IKZF3: variants seen among roughly 807,000 people sequenced by gnomAD.
IKZF3 encodes zinc finger protein Aiolos.
Under a neutral mutation model 49.0 loss-of-function variants are expected in IKZF3, and 10 were observed. That is an observed-to-expected ratio of 0.20 (90% CI 0.13 to 0.35). The LOEUF (loss-of-function observed/expected upper bound fraction) is 0.35. IKZF3 is among the 10% of genes least tolerant of loss of function. The pLI, the probability that IKZF3 is intolerant of heterozygous loss-of-function variation, is 1.00. For missense variants in IKZF3, 498 were observed against 664.8 expected, an observed-to-expected ratio of 0.75 and a Z score of 2.76; for synonymous variants, 209 against 228.2, an observed-to-expected ratio of 0.92 and a Z score of 0.76.
chr17:39,846,487 G>GTTTT (rs34071450), intron 1 of IKZF3, among the ~76,000 whole-genome samples: 3 of 108,016 alleles, frequency 2.8e-5, no homozygotes, highest in Admixed American at 9.5e-5. Flanking sequence ...AGATACCAAG[G>GTTTT]TTTTTTTTTT....
chr17:39,807,574 A>T (rs1341926829), intron 3 of IKZF3, among the ~76,000 whole-genome samples: 15 of 69,696 alleles, frequency 2.2e-4, no homozygotes, highest in African/African-American at 6.6e-4. Flanking sequence ...TTTTTTGTAG[A>T]GACGGGGCCT....
intron 1 of IKZF3, among the ~76,000 whole-genome samples, chr17:39,850,097 A>C (rs1184147252): frequency 7.0e-6 from 1 of 142,658 alleles, no homozygotes; most frequent in Non-Finnish European, 1.5e-5. Context: ...ACTATATAGC[A>C]TATTATATAT....
chr17:39,788,218 G>T, intron 6 of IKZF3, 40 bp downstream of exon 6: 2 of 1,215,338 alleles, frequency 1.6e-6, no homozygotes, highest in Non-Finnish European at 2.4e-6. Flanking sequence ...CACCACCTAG[G>T]ACAGCAGATG....
Position 39,762,070 on chromosome 17 carries a change from A to G in IKZF3, c.*3720T>C, listed in dbSNP as rs1236696465. The G allele has an allele frequency of 2.6e-5, 4 of 152,382 alleles. No individual in the cohort carries two copies. The highest frequency in any genetic ancestry group is 4.4e-5 in the Non-Finnish European group (3 of 68,202). The allele number at this position is 152,382 out of a possible 1,614,324, so 9.4% of individuals were successfully genotyped here. A position where few individuals can be genotyped will look rare whatever the true frequency, so the allele number is the denominator to read the frequency against. ...GGGTGTATGGTGGAAAGCCCGCCTG[A>G]TAAGAGGCTGGTGGGAAATGAAGGA... On this transcript the variant is annotated 3_prime_UTR_variant, in exon 8 of 8. Coordinates refer to ENST00000346872, the MANE Select transcript of IKZF3 (RefSeq NM_012481.5).
At chr17:39,781,012 T>C (rs1487564702) in intron 6 of IKZF3, among the ~76,000 whole-genome samples, 2 of 152,168 alleles carry the variant, frequency 1.3e-5, no homozygotes, top group African/African-American at 2.4e-5. Flanking sequence ...AGGGTCAGAA[T>C]AGGGGGCCTG....
At chr17:39,767,190 C>T (rs1041026056) in intron 7 of IKZF3, among the ~76,000 whole-genome samples, 11 of 152,162 alleles carry the variant, frequency 7.2e-5, no homozygotes, top group African/African-American at 1.2e-4. Flanking sequence ...GTGTGTTTCT[C>T]TTCCTTTGCT....
rs542611643 is a variant in IKZF3, at chr17:39,794,259, C to T, written c.164-1326G>A. ...AATTACTTGGATTTGACCTCATGCA[C>T]TAGACATATAAGGCCTAAGTGGGTT... On this transcript the variant is annotated intron_variant, in intron 3 of 7. Coordinates refer to ENST00000346872, the MANE Select transcript of IKZF3 (RefSeq NM_012481.5). 1.8e-4 allele frequency among the ~76,000 whole-genome samples: 28 copies of T among 152,316 alleles called. No homozygotes were observed. The South Asian group carries it at 5.8e-3, about 32-fold the overall frequency.
intron 1 of IKZF3, chr17:39,835,795 T>C (rs1272093009): frequency 5.8e-6 from 3 of 515,710 alleles, no homozygotes; most frequent in African/African-American, 1.9e-5. Flanking sequence ...ACCCTATTCA[T>C]GTATGCCTCA....
intron 3 of IKZF3, 139 bp from the exon 4 acceptor site, chr17:39,793,072 G>A (rs2061069842): frequency 1.2e-6 from 1 of 852,440 alleles, no homozygotes; most frequent in Non-Finnish European, 1.8e-6. Flanking sequence ...AAACAAGAAA[G>A]CACCATTAGC....
rs868428739 is a variant in IKZF3, at chr17:39,813,863, C to A, written c.163+15524G>T. ...AGAGATGTAATATTTTGATAAAAAA[C>A]GGCACTTCCTTTTGAAGCATATATT... On this transcript the variant is annotated intron_variant, in intron 3 of 7. Coordinates refer to ENST00000346872, the MANE Select transcript of IKZF3 (RefSeq NM_012481.5). Among the ~76,000 whole-genome samples, 13 of 152,282 alleles carry A rather than the reference C, an allele frequency of 8.5e-5. 1 individual carries two copies. In the Middle Eastern group the frequency reaches 0.01, roughly 120 times the overall value.
Position 39,829,373 on chromosome 17 carries a change from A to G in IKZF3, c.163+14T>C. 6.3e-7 allele frequency: 1 copy of G among 1,582,766 alleles called. No homozygotes were observed. The highest frequency in any genetic ancestry group is 8.7e-7 in the Non-Finnish European group (1 of 1,151,578). Reference sequence around the variant, plus strand: ...CTACAGGCATCAGTGTTTAGTCTGCACACTACGGCTCACCTCCTATGTCTT... The same window carrying G: ...CTACAGGCATCAGTGTTTAGTCTGCGCACTACGGCTCACCTCCTATGTCTT... On this transcript the variant is annotated intron_variant, in intron 3 of 7. Transcript: ENST00000346872.
At chr17:39,803,310 CTT>C (rs2061363171) in intron 3 of IKZF3, among the ~76,000 whole-genome samples, 1 of 152,036 alleles carries the variant, frequency 6.6e-6, no homozygotes, top group South Asian at 2.1e-4. Flanking sequence ...GTATTAAACT[CTT>C]TTGTATTTAT....
At chr17:39,850,286 G>T (rs1290921884) in intron 1 of IKZF3, among the ~76,000 whole-genome samples, 1 of 138,002 alleles carries the variant, frequency 7.2e-6, no homozygotes, top group Non-Finnish European at 1.5e-5. Context: ...ATAATATATA[G>T]TATATACAAT....
chr17:39,780,243 T>TAAAA (rs398041675), intron 6 of IKZF3, among the ~76,000 whole-genome samples: 3,207 of 105,626 alleles, frequency 0.03, 125 homozygotes, highest in African/African-American at 0.1. Flanking sequence ...AGACTCTGTC[T>TAAAA]AAAAAAAAAA....
chr17:39,776,425 A>G (rs565152554), intron 7 of IKZF3, among the ~76,000 whole-genome samples: 1 of 152,314 alleles, frequency 6.6e-6, no homozygotes, highest in South Asian at 2.1e-4. Context: ...TAAACTCTAA[A>G]TGGAAGTCAC....
intron 3 of IKZF3, among the ~76,000 whole-genome samples, chr17:39,818,613 G>A (rs1260647194): frequency 2.0e-5 from 3 of 152,178 alleles, no homozygotes; most frequent in Non-Finnish European, 4.4e-5. Flanking sequence ...ACTTCGGGAG[G>A]CTGAGGTGGG....
chr17:39,778,124 G>A, intron 6 of IKZF3: 1 of 1,004,522 alleles, frequency 1.0e-6, no homozygotes, highest in East Asian at 1.0e-4. Flanking sequence ...CTGAGTAACT[G>A]CGTGTGACAC....
intron 3 of IKZF3, among the ~76,000 whole-genome samples, chr17:39,802,221 CAAAAAAAAAA>C (rs56029512): frequency 3.7e-5 from 2 of 54,408 alleles, no homozygotes; most frequent in Non-Finnish European, 5.9e-5. Context: ...GACTCCATCT[CAAAAAAAAAA>C]AAAAAAAAAA....
chr17:39,834,998 G>T, intron 1 of IKZF3: 1 of 407,732 alleles, frequency 2.5e-6, no homozygotes, highest in Non-Finnish European at 4.8e-6. Flanking sequence ...TGGGACACCA[G>T]CTTCCCATCG....
Sources: allele counts gnomAD v4.1 joint callset (sites outside exome capture counted in the v4.1 genomes callset), GRCh38; gene constraint gnomAD v4.1.1; transcripts MANE v1.5; gene names NCBI Gene and HGNC (gene_info 2026-07-23, HGNC 2026-07-21).